Variants in OTUD7A observed in about 807,000 individuals in gnomAD.
OTUD7A encodes OTU deubiquitinase 7A.
A neutral mutation model predicts 65.7 loss-of-function variants in OTUD7A; 12 were observed. The ratio of observed to expected loss-of-function variants is 0.18; its 90% confidence interval spans 0.12 to 0.30. The LOEUF (loss-of-function observed/expected upper bound fraction) is 0.30, where lower values mean the gene tolerates loss of function less well. OTUD7A is among the 10% of genes least tolerant of loss of function. The pLI, the probability that OTUD7A is intolerant of heterozygous loss-of-function variation, is 1.00. For synonymous variants in OTUD7A, 641 were observed against 586.3 expected, an observed-to-expected ratio of 1.09 and a Z score of -1.35; for missense variants, 1,148 against 1,304.8, an observed-to-expected ratio of 0.88 and a Z score of 1.85.
chr15:31,525,538 C>T (rs993449548), intron 8 of OTUD7A, among the ~76,000 whole-genome samples: 2 of 152,224 alleles, frequency 1.3e-5, no homozygotes, highest in African/African-American at 2.4e-5. Flanking sequence ...CCCAGTTGCC[C>T]GCTGCAGGGC....
At chr15:31,737,009 G>A (rs188480333) in intron 1 of OTUD7A, among the ~76,000 whole-genome samples, 163 of 152,074 alleles carry the variant, frequency 1.1e-3, no homozygotes, top group African/African-American at 3.8e-3. Context: ...TTTAGTAGAG[G>A]CAGGGTTTCA....
intron 3 of OTUD7A, among the ~76,000 whole-genome samples, chr15:31,606,541 G>A (rs574449932): frequency 2.0e-5 from 3 of 152,038 alleles, no homozygotes; most frequent in East Asian, 1.9e-4. Context: ...TGTTCATGAC[G>A]TTGAAAAAAA....
intron 8 of OTUD7A, among the ~76,000 whole-genome samples, chr15:31,515,528 T>G (rs1377128226): frequency 6.6e-6 from 1 of 152,188 alleles, no homozygotes; most frequent in South Asian, 2.1e-4. Context: ...CTCAGAGAAC[T>G]CTGCCTTCAT....
intron 1 of OTUD7A, chr15:31,689,624 A>G (rs1051391458): frequency 1.3e-5 from 2 of 152,238 alleles, no homozygotes; most frequent in African/African-American, 4.8e-5. Context: ...TAAATATTTA[A>G]CATGCATTTG....
At chr15:31,653,698 T>C (rs957140965) in intron 3 of OTUD7A, among the ~76,000 whole-genome samples, 1 of 150,856 alleles carries the variant, frequency 6.6e-6, no homozygotes, top group African/African-American at 2.4e-5. Context: ...CACAAATCCA[T>C]ACATGTGTTA....
intron 1 of OTUD7A, among the ~76,000 whole-genome samples, chr15:31,754,312 TG>T (rs1894749259): frequency 6.6e-6 from 1 of 152,116 alleles, no homozygotes; most frequent in Admixed American, 6.5e-5. Flanking sequence ...GTGGGTTGTC[TG>T]TTTACTCTGC....
At chr15:31,754,658 T>G (rs893613083) in intron 1 of OTUD7A, among the ~76,000 whole-genome samples, 6 of 151,506 alleles carry the variant, frequency 4.0e-5, no homozygotes, top group African/African-American at 1.5e-4. Flanking sequence ...TGAAGATCAG[T>G]TGGCTGTAAG....
At chr15:31,490,624 T>C (rs2041306432) in intron 10 of OTUD7A, among the ~76,000 whole-genome samples, 1 of 152,180 alleles carries the variant, frequency 6.6e-6, no homozygotes, top group South Asian at 2.1e-4. Context: ...CCAGTAAGAA[T>C]CATTCAGCTA....
At chr15:31,771,039 C>G (rs2140913376) in intron 1 of OTUD7A, among the ~76,000 whole-genome samples, 1 of 152,274 alleles carries the variant, frequency 6.6e-6, no homozygotes, top group East Asian at 1.9e-4. Flanking sequence ...CCACATTGTA[C>G]CAGAGGCTCT....
In OTUD7A at chr15:31,752,531, G is replaced by T. The variant is rs1567003904; in HGVS notation, c.-99-95454C>A. On this transcript the variant is annotated intron_variant, in intron 1 of 12. Coordinates refer to ENST00000307050, the MANE Select transcript of OTUD7A (RefSeq NM_001382637.1). ...CATTGGTCTAGCTTACACTTCAAAT[G>T]AATCTTTTATTCATGCATAATTTTG... 2.0e-5 allele frequency among the ~76,000 whole-genome samples: 3 copies of T among 152,104 alleles called. No individual in the cohort carries two copies. The South Asian group carries it at 6.2e-4, about 32-fold the overall frequency.
intron 1 of OTUD7A, among the ~76,000 whole-genome samples, chr15:31,690,839 T>C (rs1278124266): frequency 6.6e-6 from 1 of 152,014 alleles, no homozygotes; most frequent in Admixed American, 6.6e-5. Context: ...TACAGGAAAA[T>C]ACAGAGGAAA....
intron 1 of OTUD7A, among the ~76,000 whole-genome samples, chr15:31,819,392 T>C (rs1164011453): frequency 1.3e-5 from 2 of 152,222 alleles, no homozygotes; most frequent in Non-Finnish European, 1.5e-5. Flanking sequence ...GCAACTCTTC[T>C]GTAAGTCTAA....
chr15:31,583,193 C>A (rs1471195972), intron 3 of OTUD7A, among the ~76,000 whole-genome samples: 1 of 152,214 alleles, frequency 6.6e-6, no homozygotes, highest in Non-Finnish European at 1.5e-5. Flanking sequence ...GAGAAGCTTG[C>A]AGGACTTTTC....
intron 5 of OTUD7A, among the ~76,000 whole-genome samples, chr15:31,548,263 G>C (rs561635359): frequency 6.6e-5 from 10 of 150,702 alleles, no homozygotes; most frequent in Non-Finnish European, 1.3e-4. Context: ...ATGTTCCTGC[G>C]CGGTGCCCTC....
At position 31,554,044 on chromosome 15, in the gene OTUD7A, C is replaced by T. The variant is rs866372655; in HGVS notation, c.550+4925G>A. ...AATCCTCTCACCCTCGCTCCACCAG[C>T]TCAGGTGACACTGGCTTCCTTAAAT... On this transcript the variant is annotated intron_variant, in intron 5 of 12. Transcript: ENST00000307050. Among the ~76,000 whole-genome samples the T allele has an allele frequency of 9.8e-5, 15 of 152,314 alleles. No homozygotes were observed. In the South Asian group the frequency reaches 3.1e-3, roughly 32 times the overall value.
chr15:31,570,769 C>T (rs1279658020), intron 3 of OTUD7A, among the ~76,000 whole-genome samples: 1 of 152,068 alleles, frequency 6.6e-6, no homozygotes. Flanking sequence ...GTGTGCCCAG[C>T]GTGGGTACGC....
chr15:31,619,694 A>G (rs1890714647), intron 3 of OTUD7A, among the ~76,000 whole-genome samples: 1 of 152,096 alleles, frequency 6.6e-6, no homozygotes, highest in Non-Finnish European at 1.5e-5. Context: ...TTCTAGATAT[A>G]CAATCATGTC....
chr15:31,853,417 G>A (rs1007859982), intron 1 of OTUD7A, among the ~76,000 whole-genome samples: 3 of 152,226 alleles, frequency 2.0e-5, no homozygotes, highest in African/African-American at 7.2e-5. Context: ...AACAAATCAA[G>A]GAGACAGACA....
chr15:31,812,744 TC>T, intron 1 of OTUD7A, among the ~76,000 whole-genome samples: 1 of 152,238 alleles, frequency 6.6e-6, no homozygotes, highest in South Asian at 2.1e-4. Context: ...CTTCAGAATG[TC>T]CCCGAGTACA....
Sources: gnomAD v4.1 joint callset for allele counts (sites outside exome capture counted in the v4.1 genomes callset) on GRCh38, gnomAD v4.1.1 for gene constraint, MANE v1.5 for transcripts, NCBI Gene and HGNC (gene_info 2026-07-23, HGNC 2026-07-21) for gene names.